Variants in PCDH15 observed in about 807,000 individuals in gnomAD.
PCDH15 encodes protocadherin-15.
PCDH15 carries 129 observed loss-of-function variants against 178.5 expected under a neutral mutation model. The ratio of observed to expected loss-of-function variants is 0.72; its 90% CI spans 0.63 to 0.84. The LOEUF (loss-of-function observed/expected upper bound fraction) is 0.84. Among genes scored for constraint, PCDH15 ranks in the 40% least tolerant of loss-of-function variants. The probability of loss-of-function intolerance (pLI) is 0.00; values close to 1 mark genes in which losing one functional copy is unlikely to be tolerated. For missense variants in PCDH15, 2,230 were observed against 2,099.9 expected (o/e 1.06, Z -1.21); for synonymous variants, 800 against 732.0 (o/e 1.09, Z -1.50).
Position 54,755,907 on chromosome 10 carries a change from C to T in PCDH15, c.-29+45018G>A, listed in dbSNP as rs148251840. ...CACAATGGATGCTAACTGGATGTTA[C>T]TTTCTCTCTCTCTATCGTGTAAACA... is the stretch of plus-strand genomic sequence containing the variant. On this transcript the variant is annotated intron_variant, in intron 1 of 37. Transcript: ENST00000644397. Among the ~76,000 whole-genome samples, 200 of 152,180 alleles carry T rather than the reference C, an allele frequency of 1.3e-3. 1 individual carries two copies. The highest frequency in any genetic ancestry group is 4.7e-3 in the African/African-American group (195 of 41,538).
At chr10:54,045,069 A>C (rs2093629245) in intron 18 of PCDH15, among the ~76,000 whole-genome samples, 1 of 152,094 alleles carries the variant, frequency 6.6e-6, no homozygotes, top group South Asian at 2.1e-4. Context: ...AAAGCCTCTT[A>C]AAGATAGAGC....
At chr10:55,432,535 T>G (rs1024627222) in intron 2 of PCDH15, among the ~76,000 whole-genome samples, 1 of 152,080 alleles carries the variant, frequency 6.6e-6, no homozygotes, top group Non-Finnish European at 1.5e-5. Context: ...AAGAGAACAA[T>G]AGTGACTTGG....
At chr10:55,599,353 C>G (rs977654787) in intron 2 of PCDH15, 1 of 152,150 alleles carries the variant, frequency 6.6e-6, no homozygotes, top group Non-Finnish European at 1.5e-5. Flanking sequence ...CTTAATCCTC[C>G]TGTAAGTTTA....
intron 2 of PCDH15, among the ~76,000 whole-genome samples, chr10:55,408,994 T>C (rs1484158858): frequency 1.3e-5 from 2 of 152,176 alleles, no homozygotes; most frequent in African/African-American, 4.8e-5. Flanking sequence ...CTTGACACTC[T>C]GTCTTTTTTA....
chr10:54,329,856 A>G, intron 6 of PCDH15, 150 bp from the exon 7 acceptor site: 1 of 669,468 alleles, frequency 1.5e-6, no homozygotes, highest in Non-Finnish European at 2.7e-6. Flanking sequence ...CAATATTGTT[A>G]TCATACTTCC....
intron 2 of PCDH15, among the ~76,000 whole-genome samples, chr10:55,486,674 T>G (rs1840305002): frequency 6.6e-6 from 1 of 151,532 alleles, no homozygotes; most frequent in African/African-American, 2.4e-5. Flanking sequence ...TCTTTTTTAT[T>G]TTATTATGTT....
chr10:54,507,591 A>C (rs1463223438), intron 3 of PCDH15, among the ~76,000 whole-genome samples: 2 of 151,966 alleles, frequency 1.3e-5, no homozygotes, highest in Admixed American at 6.6e-5. Flanking sequence ...ACAAATTTGC[A>C]TGCATTTTAC....
At chr10:54,574,331 G>C (rs1041568165) in intron 2 of PCDH15, among the ~76,000 whole-genome samples, 8 of 149,938 alleles carry the variant, frequency 5.3e-5, no homozygotes, top group African/African-American at 2.0e-4. Flanking sequence ...AGATCAGATA[G>C]TTGTAGATAT....
chr10:55,283,130 G>A (rs954555444), intron 1 of PCDH15, among the ~76,000 whole-genome samples: 1 of 152,048 alleles, frequency 6.6e-6, no homozygotes, highest in African/African-American at 2.4e-5. Flanking sequence ...ATTGCTCCTG[G>A]GAATAACATC....
intron 28 of PCDH15, among the ~76,000 whole-genome samples, chr10:53,852,119 T>A (rs964626014): frequency 2.0e-5 from 3 of 152,030 alleles, no homozygotes; most frequent in Non-Finnish European, 4.4e-5. Flanking sequence ...AACCACAGAT[T>A]CCTCTTATTT....
chr10:55,505,858 T>C (rs1026033878), intron 2 of PCDH15, among the ~76,000 whole-genome samples: 2 of 151,456 alleles, frequency 1.3e-5, no homozygotes, highest in African/African-American at 4.8e-5. Context: ...GAAGACTTCC[T>C]TGAGGAAGTG....
At chr10:55,448,688 T>C (rs1484853613) in intron 2 of PCDH15, among the ~76,000 whole-genome samples, 1 of 152,042 alleles carries the variant, frequency 6.6e-6, no homozygotes, top group Non-Finnish European at 1.5e-5. Flanking sequence ...AATATATTAA[T>C]AATCATGATT....
intron 26 of PCDH15, among the ~76,000 whole-genome samples, chr10:53,871,788 T>C (rs1024853544): frequency 6.6e-6 from 1 of 151,698 alleles, no homozygotes; most frequent in African/African-American, 2.4e-5. Context: ...AGTTTCACTC[T>C]TGTTGCCCAG....
At chr10:54,929,839 G>T (rs189494941) in intron 2 of PCDH15, among the ~76,000 whole-genome samples, 95 of 152,278 alleles carry the variant, frequency 6.2e-4, no homozygotes, top group African/African-American at 2.2e-3. Context: ...CTAACATGTG[G>T]CTTGCTCAGC....
At chr10:53,866,935 G>T (rs2079504482) in intron 26 of PCDH15, 78 bp from the exon 27 acceptor site, 2 of 1,004,612 alleles carry the variant, frequency 2.0e-6, no homozygotes, top group East Asian at 2.4e-5. Flanking sequence ...ACTTTTGTTT[G>T]TAAGAATGAG....
intron 8 of PCDH15, among the ~76,000 whole-genome samples, chr10:54,307,711 G>A (rs1439109858): frequency 6.6e-6 from 1 of 151,874 alleles, no homozygotes; most frequent in Non-Finnish European, 1.5e-5. Flanking sequence ...CTGTTCTTTT[G>A]AATAAATAGA....
chr10:54,008,882 A>T (rs890344390), intron 20 of PCDH15, among the ~76,000 whole-genome samples: 4 of 152,224 alleles, frequency 2.6e-5, no homozygotes, highest in Non-Finnish European at 5.9e-5. Flanking sequence ...GTCTATATAG[A>T]TCACTCTCAC....
intron 1 of PCDH15, among the ~76,000 whole-genome samples, chr10:55,280,424 A>G (rs1184369790): frequency 2.1e-5 from 3 of 141,266 alleles, no homozygotes; most frequent in Admixed American, 7.2e-5. Flanking sequence ...GATTATAGGT[A>G]TCTGACACTG....
intron 8 of PCDH15, among the ~76,000 whole-genome samples, chr10:54,254,738 T>C (rs2056768863): frequency 6.6e-6 from 1 of 152,226 alleles, no homozygotes; most frequent in South Asian, 2.1e-4. Context: ...GTCCTTGTAG[T>C]AGAGGTGACT....
Sources: gnomAD v4.1 joint callset for allele counts (sites outside exome capture counted in the v4.1 genomes callset) on GRCh38, gnomAD v4.1.1 for gene constraint, MANE v1.5 for transcripts, NCBI Gene and HGNC (gene_info 2026-07-23, HGNC 2026-07-21) for gene names.